Variants in SLC2A9 observed in about 807,000 individuals in gnomAD.
SLC2A9 encodes the protein solute carrier family 2, facilitated glucose transporter member 9.
SLC2A9 carries 39 observed loss-of-function variants against 50.6 expected under a neutral mutation model. The observed-to-expected ratio is 0.77, with a 90% CI of 0.60 to 1.01. The LOEUF (loss-of-function observed/expected upper bound fraction) is 1.01, where lower values mean the gene tolerates loss of function less well. Among genes scored for constraint, SLC2A9 ranks in the 50% least tolerant of loss-of-function variants. The probability of loss-of-function intolerance (pLI) is 0.00; values close to 1 mark genes in which losing one functional copy is unlikely to be tolerated. For missense variants in SLC2A9, 686 were observed against 677.6 expected (o/e 1.01, Z -0.14); for synonymous variants, 324 against 276.9 (o/e 1.17, Z -1.69).
At chr4:9,906,600 C>T (rs569313404) in intron 8 of SLC2A9, among the ~76,000 whole-genome samples, 2 of 152,294 alleles carry the variant, frequency 1.3e-5, no homozygotes, top group African/African-American at 4.8e-5. Context: ...TGCCAAACTT[C>T]CTTGGGTAGT....
chr4:9,797,381 T>C (rs180888025), downstream of SLC2A9, among the ~76,000 whole-genome samples: 106 of 152,360 alleles, frequency 7.0e-4, no homozygotes, highest in Non-Finnish European at 1.3e-3. Flanking sequence ...CTTGGTGTGA[T>C]TGTTCCAGGG....
At chr4:9,852,401 C>T (rs376604542) in intron 10 of SLC2A9, among the ~76,000 whole-genome samples, 14 of 151,818 alleles carry the variant, frequency 9.2e-5, no homozygotes, top group Non-Finnish European at 1.3e-4. Context: ...TACAGGCGCC[C>T]GCCACCGCGC....
intron 2 of SLC2A9, chr4:10,009,808 T>A (rs1761452368): frequency 6.6e-6 from 1 of 152,260 alleles, no homozygotes; most frequent in South Asian, 2.1e-4. Flanking sequence ...CACTCCTTCC[T>A]TCTCTCACTC....
Position 9,889,350 on chromosome 4 carries a change from C to T in SLC2A9, c.1215+1260G>A, listed in dbSNP as rs189608455. Among the ~76,000 whole-genome samples, 354 of 152,300 alleles carry T rather than the reference C, an allele frequency of 2.3e-3. 3 individuals carry two copies. The highest frequency in any genetic ancestry group is 7.8e-3 in the African/African-American group (324 of 41,568). On this transcript the variant is annotated intron_variant, in intron 9 of 11. Transcript: ENST00000264784. The stretch of plus-strand genomic sequence containing the variant: ...GGCCAAGCCAAGAACAGCTCTGAAA[C>T]CTTGTGAAATGAGGCTTAGATGGGG...
At chr4:9,885,284 A>G (rs55670339) in intron 10 of SLC2A9, among the ~76,000 whole-genome samples, 18,330 of 152,182 alleles carry the variant, frequency 0.12, 1,278 homozygotes, top group African/African-American at 0.17. Flanking sequence ...ACAGGTGCTC[A>G]ATAAAGGCTT....
intron 10 of SLC2A9, among the ~76,000 whole-genome samples, chr4:9,877,106 C>T (rs1346680959): frequency 6.6e-6 from 1 of 152,172 alleles, no homozygotes; most frequent in Non-Finnish European, 1.5e-5. Flanking sequence ...ACACAATTCC[C>T]TAACTTTTGA....
Position 9,980,692 on chromosome 4 carries a change from G to C in SLC2A9, c.581C>G (p.Pro194Arg), listed in dbSNP as rs1161160711. ...VLPMYLSEIS[P>R]KEIRGSLGQV... The stretch of plus-strand genomic sequence containing the variant: ...CCCCAGAGAGCCACGGATCTCCTTG[G>C]GTGAGATCTCACTAAGGTACATGGG... Residue 194 changes from proline to arginine, a missense_variant, in exon 5 of 12, where the codon CCC becomes CGC. Pro to Arg is a moderately radical substitution (Grantham distance 103, BLOSUM62 -2). Transcript: ENST00000264784. 5 of 1,614,016 alleles carry C rather than the reference G, an allele frequency of 3.1e-6. No individual in the cohort carries two copies. Among genetic ancestry groups the C allele is most frequent in the Non-Finnish European group, 4.2e-6 (5 of 1,180,018 alleles).
At chr4:9,941,806 A>T in intron 6 of SLC2A9, 107 bp downstream of exon 6, 1 of 1,509,776 alleles carries the variant, frequency 6.6e-7, no homozygotes, top group Non-Finnish European at 9.1e-7. Flanking sequence ...GCAAAAAGGA[A>T]CAATGACAAC....
intron 3 of SLC2A9, among the ~76,000 whole-genome samples, chr4:9,792,452 G>C (rs866258607): frequency 1.3e-5 from 2 of 151,654 alleles, no homozygotes; most frequent in South Asian, 2.1e-4. Flanking sequence ...CCCCCACAAA[G>C]TGCTAGGATT....
At chr4:9,869,166 T>C (rs1178315442) in intron 10 of SLC2A9, among the ~76,000 whole-genome samples, 1 of 152,234 alleles carries the variant, frequency 6.6e-6, no homozygotes, top group Non-Finnish European at 1.5e-5. Flanking sequence ...AGTCGGGATC[T>C]GGACTTTTCC....
upstream of SLC2A9, among the ~76,000 whole-genome samples, chr4:10,022,195 G>A (rs1477643370): frequency 1.3e-5 from 2 of 152,190 alleles, no homozygotes; most frequent in East Asian, 3.9e-4. Flanking sequence ...TCTCTGAGCT[G>A]CAACTTCTAC....
intron 3 of SLC2A9, chr4:9,781,952 G>GTGCCCGATGGGGC (rs1186920148): frequency 8.7e-6 from 11 of 1,260,916 alleles, no homozygotes; most frequent in Non-Finnish European, 1.1e-5. Context: ...CATCCTCGGG[G>GTGCCCGATGGGGC]TGCCCGATGG....
At chr4:9,844,470 G>T (rs971066899) in intron 10 of SLC2A9, among the ~76,000 whole-genome samples, 2 of 152,122 alleles carry the variant, frequency 1.3e-5, no homozygotes, top group African/African-American at 2.4e-5. Context: ...TTTTCCTTCA[G>T]AAATGTTCAT....
intron 11 of SLC2A9, among the ~76,000 whole-genome samples, chr4:9,828,175 T>C (rs11938866): frequency 0.15 from 23,086 of 151,806 alleles, 2,299 homozygotes; most frequent in African/African-American, 0.28. Flanking sequence ...TGAGCTTCTC[T>C]CTCTCTCTCC....
intron 10 of SLC2A9, among the ~76,000 whole-genome samples, chr4:9,871,504 T>A (rs545392801): frequency 6.6e-6 from 1 of 152,200 alleles, no homozygotes; most frequent in South Asian, 2.1e-4. Context: ...TGATTCTAGA[T>A]GCATCGCTCG....
chr4:9,898,570 T>C (rs774701789), intron 8 of SLC2A9, among the ~76,000 whole-genome samples: 2 of 152,250 alleles, frequency 1.3e-5, no homozygotes, highest in Non-Finnish European at 2.9e-5. Flanking sequence ...GCGTCCTACA[T>C]GAGTTCTTCC....
intron 6 of SLC2A9, among the ~76,000 whole-genome samples, chr4:9,935,977 A>T (rs890656098): frequency 4.6e-5 from 7 of 152,220 alleles, no homozygotes; most frequent in African/African-American, 1.7e-4. Context: ...TCTGGGAGGC[A>T]CATCTATGAA....
At chr4:9,822,798 T>C (rs927578550), downstream of SLC2A9, among the ~76,000 whole-genome samples, 3 of 152,214 alleles carry the variant, frequency 2.0e-5, no homozygotes. Context: ...TCCTTTATAT[T>C]TGATTTTCAT....
intron 1 of SLC2A9, chr4:9,771,427 G>A (rs1333680818): frequency 5.0e-6 from 2 of 398,762 alleles, no homozygotes; most frequent in South Asian, 1.3e-4. Context: ...CTGACAAGGA[G>A]ATCTGCAGCA....
Sources: allele counts gnomAD v4.1 joint callset (sites outside exome capture counted in the v4.1 genomes callset), GRCh38; gene constraint gnomAD v4.1.1; transcripts MANE v1.5; gene names NCBI Gene and HGNC (gene_info 2026-07-23, HGNC 2026-07-21).